PCDH15: variants seen among roughly 807,000 people sequenced by gnomAD.
The protein encoded by PCDH15 is protocadherin-15.
PCDH15 carries 129 observed loss-of-function variants against 178.5 expected under a neutral mutation model. The observed-to-expected ratio is 0.72, with a 90% CI of 0.63 to 0.84. The LOEUF (loss-of-function observed/expected upper bound fraction) is 0.84. Among genes scored for constraint, PCDH15 ranks in the 40% least tolerant of loss-of-function variants. The pLI is 0.00. For missense variants in PCDH15, 2,230 were observed against 2,099.9 expected (o/e 1.06, Z -1.21); for synonymous variants, 800 against 732.0 (o/e 1.09, Z -1.50).
At chr10:54,845,803 T>A (rs1953499291) in intron 3 of PCDH15, among the ~76,000 whole-genome samples, 1 of 152,088 alleles carries the variant, frequency 6.6e-6, no homozygotes. Flanking sequence ...ATGTTCACTG[T>A]CTTTAACATG....
intron 2 of PCDH15, among the ~76,000 whole-genome samples, chr10:55,411,250 T>TGTAAATTTAATTATTCA (rs1380220431): frequency 1.6e-4 from 24 of 152,256 alleles, no homozygotes; most frequent in African/African-American, 5.5e-4. Flanking sequence ...TGCCCAGTGC[T>TGTAAATTTAATTATTCA]GCTAGAATAA....
intron 15 of PCDH15, among the ~76,000 whole-genome samples, chr10:54,096,667 G>C (rs1022863160): frequency 6.6e-6 from 1 of 152,070 alleles, no homozygotes; most frequent in African/African-American, 2.4e-5. Context: ...AGAGAGCTCT[G>C]GTTTCTTCAT....
chr10:53,975,912 A>G (rs1232109183), intron 21 of PCDH15, among the ~76,000 whole-genome samples: 8 of 152,122 alleles, frequency 5.3e-5, no homozygotes, highest in Non-Finnish European at 1.0e-4. Flanking sequence ...TGTCTTAAAT[A>G]TAAGTAATTT....
intron 2 of PCDH15, among the ~76,000 whole-genome samples, chr10:54,624,543 G>C (rs947308779): frequency 1.3e-5 from 2 of 152,178 alleles, no homozygotes; most frequent in African/African-American, 4.8e-5. Flanking sequence ...AAGGCAGAAG[G>C]CTGTTTAAAT....
chr10:55,518,882 C>T (rs924031313), intron 2 of PCDH15, among the ~76,000 whole-genome samples: 4 of 151,732 alleles, frequency 2.6e-5, no homozygotes, highest in African/African-American at 9.7e-5. Flanking sequence ...AATACGAGGT[C>T]AGGAGTTTGA....
At chr10:55,149,271 C>T (rs2799594) in intron 2 of PCDH15, among the ~76,000 whole-genome samples, 136,587 of 151,560 alleles carry the variant, frequency 0.9, 62,221 homozygotes, top group Non-Finnish European at 0.97. Context: ...TATTCAAATA[C>T]TTAAAAAATA....
chr10:55,423,598 ATAC>A (rs1213748491), intron 2 of PCDH15, among the ~76,000 whole-genome samples: 3 of 152,038 alleles, frequency 2.0e-5, no homozygotes, highest in African/African-American at 7.2e-5. Flanking sequence ...AGAGCAAGGA[ATAC>A]TAACTGCTTT....
chr10:53,958,983 A>G, intron 23 of PCDH15, among the ~76,000 whole-genome samples: 1 of 148,508 alleles, frequency 6.7e-6, no homozygotes, highest in East Asian at 2.0e-4. Context: ...CATCTCAAAA[A>G]AAAAAAAAAA....
chr10:54,003,782 A>T (rs1261125077), intron 20 of PCDH15, among the ~76,000 whole-genome samples: 1 of 150,786 alleles, frequency 6.6e-6, no homozygotes, highest in Non-Finnish European at 1.5e-5. Context: ...GAATACTTTC[A>T]AACTCATTCT....
At position 54,020,429 on chromosome 10, in the gene PCDH15, G is replaced by A; in HGVS notation, c.2527-13C>T. The A allele has an allele frequency of 1.2e-6, 2 of 1,611,602 alleles. No homozygotes were observed. ...CGACATCTTTGGCCTGTAATAAGCA[G>A]AAGAATAGTTTTATTAGTGACGTTA... On this transcript the variant is annotated splice_polypyrimidine_tract_variant and intron_variant, in intron 19 of 37. Transcript: ENST00000644397.
At chr10:54,515,900 C>T (rs1320611072) in intron 3 of PCDH15, among the ~76,000 whole-genome samples, 1 of 152,206 alleles carries the variant, frequency 6.6e-6, no homozygotes, top group African/African-American at 2.4e-5. Context: ...CTGGAGGGGA[C>T]CTCTAGCAAA....
At chr10:53,807,197 C>T (rs1423598500) in intron 37 of PCDH15, 67 bp from the exon 38 acceptor site, 1 of 1,276,966 alleles carries the variant, frequency 7.8e-7, no homozygotes, top group African/African-American at 1.5e-5. Context: ...ATTACATTGC[C>T]TGTGAAATCC....
chr10:53,826,237 G>C (rs1313618205), intron 32 of PCDH15, among the ~76,000 whole-genome samples: 1 of 151,766 alleles, frequency 6.6e-6, no homozygotes, highest in Non-Finnish European at 1.5e-5. Flanking sequence ...TTTGGAAATA[G>C]AATGTCATGC....
chr10:55,572,705 C>T (rs2132111472), intron 2 of PCDH15, among the ~76,000 whole-genome samples: 1 of 152,078 alleles, frequency 6.6e-6, no homozygotes, highest in Non-Finnish European at 1.5e-5. Flanking sequence ...GGCAATATTT[C>T]AGATGCTATG....
intron 14 of PCDH15, among the ~76,000 whole-genome samples, chr10:54,136,045 G>T (rs930463672): frequency 1.1e-4 from 17 of 152,054 alleles, no homozygotes; most frequent in African/African-American, 4.1e-4. Flanking sequence ...ATTTTCCTTA[G>T]CTACATCCTT....
chr10:54,727,840 T>C (rs780701572), intron 1 of PCDH15, among the ~76,000 whole-genome samples: 4 of 151,368 alleles, frequency 2.6e-5, no homozygotes, highest in Non-Finnish European at 5.9e-5. Flanking sequence ...CTTGAAGGAA[T>C]AAATAAGTTC....
chr10:54,316,527 T>TACAC (rs1564945949), intron 8 of PCDH15, among the ~76,000 whole-genome samples: 1 of 128,156 alleles, frequency 7.8e-6, no homozygotes, highest in African/African-American at 3.1e-5. Flanking sequence ...AGAATATGTG[T>TACAC]ATACACACAC....
At chr10:54,716,485 A>G (rs1435871330) in intron 1 of PCDH15, among the ~76,000 whole-genome samples, 1 of 152,086 alleles carries the variant, frequency 6.6e-6, no homozygotes, top group Non-Finnish European at 1.5e-5. Flanking sequence ...CGTCCCTTGT[A>G]AGGTGGATTC....
intron 3 of PCDH15, among the ~76,000 whole-genome samples, chr10:54,487,135 A>AC (rs2079168928): frequency 6.6e-6 from 1 of 152,086 alleles, no homozygotes; most frequent in South Asian, 2.1e-4. Context: ...TTAAAAGGAT[A>AC]TATGCATAAT....
Sources: allele counts gnomAD v4.1 joint callset (sites outside exome capture counted in the v4.1 genomes callset), GRCh38; gene constraint gnomAD v4.1.1; transcripts MANE v1.5; gene names NCBI Gene and HGNC (gene_info 2026-07-23, HGNC 2026-07-21).